Variants in PHLDB1 observed in about 807,000 individuals in gnomAD.
PHLDB1 encodes pleckstrin homology like domain family B member 1.
PHLDB1 carries 65 observed loss-of-function variants against 139.3 expected under a neutral mutation model. The observed-to-expected ratio is 0.47, with a 90% CI of 0.38 to 0.57. The LOEUF is 0.57. PHLDB1 is among the 20% of genes least tolerant of loss of function. The pLI is 0.00. For missense variants in PHLDB1, 1,624 were observed against 1,839.7 expected (o/e 0.88, Z 2.14); for synonymous variants, 679 against 734.5 (o/e 0.92, Z 1.22).
At chr11:118,609,701 C>G (rs1043995940) in intron 1 of PHLDB1, among the ~76,000 whole-genome samples, 1 of 152,242 alleles carries the variant, frequency 6.6e-6, no homozygotes, top group African/African-American at 2.4e-5. Context: ...CTCTGCCCCG[C>G]CAAAGAAAGG....
intron 5 of PHLDB1, among the ~76,000 whole-genome samples, chr11:118,626,006 C>G (rs566186799): frequency 7.7e-4 from 117 of 152,204 alleles, no homozygotes; most frequent in Non-Finnish European, 1.3e-3. Context: ...ACTCCCTTAG[C>G]TGTTTGGGGC....
chr11:118,644,667 C>A lies in PHLDB1; in HGVS notation c.3121+493C>A, dbSNP rs782008245. The A allele has an allele frequency of 3.1e-6, 4 of 1,289,694 alleles. No individual in the cohort carries two copies. The South Asian group carries it at 4.9e-5, about 16-fold the overall frequency. The allele number at this position is 1,289,694 out of a possible 1,614,324, so 79.9% of individuals were successfully genotyped here. On this transcript the variant is annotated intron_variant, in intron 15 of 22. Transcript: ENST00000600882. Reference sequence around the variant, plus strand: ...GCCAGTCGAGTCGCTTCCCGCCGAGCCCCTCCCAACCGACGACCCAGCAGG... The same window carrying A: ...GCCAGTCGAGTCGCTTCCCGCCGAGACCCTCCCAACCGACGACCCAGCAGG...
chr11:118,607,374 GGTGGT>G (rs1939361148), upstream of PHLDB1, among the ~76,000 whole-genome samples: 1 of 88,832 alleles, frequency 1.1e-5, no homozygotes, highest in Non-Finnish European at 2.4e-5. Flanking sequence ...TGGTGGTGGT[GGTGGT>G]GGTGGTGATG....
chr11:118,635,138 C>T (rs942455679), intron 9 of PHLDB1: 27 of 575,946 alleles, frequency 4.7e-5, no homozygotes, highest in African/African-American at 1.5e-4. Context: ...ACCACCTGGC[C>T]TCTGCAGTAC....
chr11:118,644,054 C>T lies in PHLDB1; in HGVS notation c.3019-18C>T. On this transcript the variant is annotated intron_variant, in intron 14 of 22. Transcript: ENST00000600882. ...AGGGCCTTCTGAGCCCAGGTCCGAA[C>T]TCTCCATTCCTCTGCAGAGCGCTCT... The T allele has an allele frequency of 6.2e-7, 1 of 1,612,170 alleles. No individual in the cohort carries two copies. Among genetic ancestry groups the T allele is most frequent in the Non-Finnish European group, 8.5e-7 (1 of 1,178,550 alleles).
At position 118,610,522 on chromosome 11, in the gene PHLDB1, C is replaced by A; in HGVS notation, c.-22+2823C>A. On this transcript the variant is annotated intron_variant, in intron 1 of 22. Transcript: ENST00000600882. The surrounding 1 kb of genome is among the most constrained non-coding windows in gnomAD (Gnocchi z 8.7). Reference sequence around the variant, plus strand: ...CGAGGCCGAGGCCGACCCCCAGGGACACAGGTGAGGCCGGGCGACCCGCGG... The same window carrying A: ...CGAGGCCGAGGCCGACCCCCAGGGAAACAGGTGAGGCCGGGCGACCCGCGG... The A allele has an allele frequency of 2.0e-6, 2 of 978,548 alleles. No homozygotes were observed. The highest frequency in any genetic ancestry group is 2.4e-6 in the Non-Finnish European group (2 of 823,612). The allele number at this position is 978,548 out of a possible 1,614,324, so 60.6% of individuals were successfully genotyped here.
rs143761514 is a variant in PHLDB1, at chr11:118,615,573, G to T, written c.185-468G>T. 2.4e-3 allele frequency: 377 copies of T among 156,654 alleles called. 3 individuals carry two copies. Among genetic ancestry groups the T allele is most frequent in the Middle Eastern group, 9.7e-3 (3 of 308 alleles). The allele number at this position is 156,654 out of a possible 1,614,324, so 9.7% of individuals were successfully genotyped here. A position where few individuals can be genotyped will look rare whatever the true frequency, so the allele number is the denominator to read the frequency against. The stretch of plus-strand genomic sequence containing the variant: ...GTTAGGGGAGAGCCTGCACTGAAGA[G>T]AGAGGTTGCACTGAAGAGAGAGGTT... On this transcript the variant is annotated intron_variant, in intron 3 of 22. Transcript: ENST00000600882.
At position 118,650,816 on chromosome 11, in the gene PHLDB1, C is replaced by CTA; in HGVS notation, c.3874+269_3874+270insTA. 8.2e-6 allele frequency: 4 copies of CTA among 489,868 alleles called. No homozygotes were observed. The highest frequency in any genetic ancestry group is 4.7e-5 in the South Asian group (2 of 42,308). The allele number at this position is 489,868 out of a possible 1,614,324, so 30.3% of individuals were successfully genotyped here. On this transcript the variant is annotated intron_variant, in intron 20 of 22. Transcript: ENST00000600882. This position sits in a 1 kb window ranked among gnomAD's most constrained non-coding sequence, Gnocchi z 4.7. ...TAGGCTCTGGTGATGAGTAAGATGG[C>CTA]CACAGCGCTCTCATGGAGCTTATAA...
chr11:118,650,508 G>A lies in PHLDB1; in HGVS notation c.3835G>A (p.Val1279Ile). The change falls in exon 20 of 23, where the codon GTC becomes ATC. Residue 1279 changes from valine to isoleucine, a missense_variant. Val to Ile is a conservative substitution (Grantham distance 29, BLOSUM62 3). Coordinates refer to ENST00000600882, the MANE Select transcript of PHLDB1 (RefSeq NM_001144758.3). This position sits in a 1 kb window ranked among gnomAD's most constrained non-coding sequence, Gnocchi z 4.7. ...KIKSWKKRWF[V>I]FDRLKRTLSY... ...TAAATCATGGAAGAAGCGCTGGTTT[G>A]TCTTCGACCGGCTCAAGCGCACCCT... 1 of 1,614,148 alleles carries A rather than the reference G, an allele frequency of 6.2e-7. No homozygotes were observed. Among genetic ancestry groups the A allele is most frequent in the East Asian group, 2.2e-5 (1 of 44,884 alleles).
intron 4 of PHLDB1, chr11:118,621,278 C>G (rs1173263717): frequency 6.6e-6 from 1 of 152,586 alleles, no homozygotes; most frequent in Admixed American, 6.5e-5. Flanking sequence ...CTCCATCCAG[C>G]TCTCCACTCG....
chr11:118,616,958 T>C (rs4938517), intron 4 of PHLDB1, among the ~76,000 whole-genome samples: 48,308 of 152,042 alleles, frequency 0.32, 8,018 homozygotes, highest in East Asian at 0.44. Context: ...GATAGGAGAA[T>C]CGCTTGAACC....
chr11:118,613,878 G>A lies in PHLDB1; in HGVS notation c.42G>A (p.Gln14=), dbSNP rs369150561. Reference sequence around the variant, plus strand: ...GGAACCAAATAGGCCCTGGATGCCAGACCCAGACCATGGTGCAGGTGAGTG... The same window carrying A: ...GGAACCAAATAGGCCCTGGATGCCAAACCCAGACCATGGTGCAGGTGAGTG... ...LNRNQIGPGC[Q]TQTMVQKGPL... The change falls in exon 2 of 23, where the codon CAG becomes CAA. Residue 14 remains glutamine, a synonymous_variant. Coordinates refer to ENST00000600882, the MANE Select transcript of PHLDB1 (RefSeq NM_001144758.3). 5.0e-6 allele frequency: 8 copies of A among 1,609,860 alleles called. No individual in the cohort carries two copies. The African/African-American group carries it at 9.4e-5, about 19-fold the overall frequency.
At chr11:118,634,621 T>C in intron 9 of PHLDB1, 1 of 192,338 alleles carries the variant, frequency 5.2e-6, no homozygotes. Flanking sequence ...CTGTGTTACC[T>C]CATCCCCTGC....
intron 9 of PHLDB1, chr11:118,633,347 A>G (rs2136292817): frequency 6.6e-6 from 1 of 152,362 alleles, no homozygotes; most frequent in South Asian, 2.1e-4. Flanking sequence ...GGTGGGGGAA[A>G]TGCTTGGCTG....
intron 7 of PHLDB1, 111 bp from the exon 8 acceptor site, chr11:118,631,800 GTC>G (rs1450997139): frequency 7.9e-7 from 1 of 1,261,444 alleles, no homozygotes; most frequent in Non-Finnish European, 1.1e-6. Context: ...TTAGCCTCCT[GTC>G]TCAGTCCAGC....
chr11:118,646,852 G>T (rs1453873672), intron 17 of PHLDB1: 1 of 152,196 alleles, frequency 6.6e-6, no homozygotes, highest in Non-Finnish European at 1.5e-5. Context: ...CTGAATGGAG[G>T]ACCAGCCAGA....
rs1555126143 is a variant in PHLDB1 at position 118,645,343 on chromosome 11, G to A, written c.3122-13G>A. 3.3e-6 allele frequency: 5 copies of A among 1,508,796 alleles called. No individual in the cohort carries two copies. Among genetic ancestry groups the A allele is most frequent in the South Asian group, 1.3e-5 (1 of 74,104 alleles). The allele number at this position is 1,508,796 out of a possible 1,614,324, so 93.5% of individuals were successfully genotyped here. ...GGGGAGCCCACTGTGACTCCCATCT[G>A]TCTCTCCTTCAGGACAACAAGTGAT... On this transcript the variant is annotated splice_polypyrimidine_tract_variant and intron_variant, in intron 15 of 22. Coordinates refer to ENST00000600882, the MANE Select transcript of PHLDB1 (RefSeq NM_001144758.3). The surrounding 1 kb of genome is among the most constrained non-coding windows in gnomAD (Gnocchi z 5.1).
chr11:118,627,022 A>T (rs1555102087), intron 5 of PHLDB1: 1 of 460,750 alleles, frequency 2.2e-6, no homozygotes, highest in Non-Finnish European at 3.8e-6. Context: ...GTGAATTGAC[A>T]ACAATAGTCT....
intron 10 of PHLDB1, among the ~76,000 whole-genome samples, chr11:118,636,175 G>T (rs1019870788): frequency 6.6e-6 from 1 of 152,186 alleles, no homozygotes; most frequent in Non-Finnish European, 1.5e-5. Context: ...TGTTAGTAAG[G>T]GTTGGGAAGA....
Sources: gnomAD v4.1 joint callset for allele counts (sites outside exome capture counted in the v4.1 genomes callset) on GRCh38, gnomAD v4.1.1 for gene constraint, Gnocchi (gnomAD v3.1) non-coding constraint, MANE v1.5 for transcripts, NCBI Gene and HGNC (gene_info 2026-07-23, HGNC 2026-07-21) for gene names.